WDR25: variants seen among roughly 807,000 people sequenced by gnomAD.
The protein encoded by WDR25 is WD repeat-containing protein 25.
A neutral mutation model predicts 47.7 loss-of-function variants in WDR25; 35 were observed. The observed-to-expected ratio is 0.73, with a 90% CI of 0.56 to 0.97. The LOEUF (loss-of-function observed/expected upper bound fraction) is 0.97, where lower values mean the gene tolerates loss of function less well. WDR25 is among the 50% of genes least tolerant of loss of function. The pLI is 0.00. For missense variants in WDR25, 634 were observed against 704.7 expected, an observed-to-expected ratio of 0.90 and a Z score of 1.14; for synonymous variants, 248 against 278.9, an observed-to-expected ratio of 0.89 and a Z score of 1.10.
At chr14:100,390,418 T>C (rs1271416650) in intron 2 of WDR25, among the ~76,000 whole-genome samples, 1 of 152,018 alleles carries the variant, frequency 6.6e-6, no homozygotes, top group Non-Finnish European at 1.5e-5. Context: ...TGTGTGTGTG[T>C]GTGTGTGTGC....
chr14:100,450,797 G>A (rs961437358), intron 2 of WDR25, among the ~76,000 whole-genome samples: 1 of 152,220 alleles, frequency 6.6e-6, no homozygotes, highest in Non-Finnish European at 1.5e-5. Flanking sequence ...AGTAGGAGCA[G>A]TCCAGAGCCC....
intron 2 of WDR25, among the ~76,000 whole-genome samples, chr14:100,450,546 T>C (rs756777317): frequency 9.2e-5 from 14 of 152,234 alleles, no homozygotes; most frequent in Non-Finnish European, 1.9e-4. Flanking sequence ...CATAAATATC[T>C]GTTGAACAAA....
chr14:100,513,011 C>G (rs1335056182), intron 4 of WDR25, among the ~76,000 whole-genome samples: 2 of 152,056 alleles, frequency 1.3e-5, no homozygotes, highest in Admixed American at 1.3e-4. Flanking sequence ...TATGGTCTAT[C>G]TTGGTAAATG....
rs2030422348 is a variant in WDR25, at chr14:100,530,169, T to C, written c.*128T>C. On this transcript the variant is annotated 3_prime_UTR_variant, in exon 7 of 7. Transcript: ENST00000402312. ...TGGGTACCACCTTCTGAGCCTCAGT[T>C]TCCTCATCTGTAAAGTGGGGAGAAA... is the stretch of plus-strand genomic sequence containing the variant. 4 of 927,168 alleles carry C rather than the reference T, an allele frequency of 4.3e-6. No individual in the cohort carries two copies. Among genetic ancestry groups the C allele is most frequent in the Non-Finnish European group, 6.4e-6 (4 of 626,506 alleles). 57.4% of individuals were successfully genotyped at this position (927,168 alleles called of 1,614,324 possible).
chr14:100,418,399 C>A (rs537261176), intron 2 of WDR25, among the ~76,000 whole-genome samples: 1 of 151,480 alleles, frequency 6.6e-6, no homozygotes, highest in African/African-American at 2.4e-5. Flanking sequence ...TTTGGGAGGC[C>A]GAGGTGGGCG....
chr14:100,521,108 A>C (rs1219629248), intron 4 of WDR25, among the ~76,000 whole-genome samples: 2 of 152,058 alleles, frequency 1.3e-5, no homozygotes, highest in Non-Finnish European at 2.9e-5. Flanking sequence ...ACCTGTTTTT[A>C]TATGGTCTTT....
intron 2 of WDR25, among the ~76,000 whole-genome samples, chr14:100,389,081 G>T (rs1352682609): frequency 1.3e-5 from 2 of 152,214 alleles, no homozygotes; most frequent in Non-Finnish European, 1.5e-5. Flanking sequence ...AAAGGTGCTT[G>T]TCTAATGCCC....
intron 2 of WDR25, among the ~76,000 whole-genome samples, chr14:100,461,450 TA>T (rs1234655905): frequency 3.3e-5 from 5 of 152,290 alleles, no homozygotes; most frequent in African/African-American, 1.2e-4. Context: ...TCTTTTCATT[TA>T]AAAAACCACA....
chr14:100,496,666 A>G (rs1000991066), intron 4 of WDR25, among the ~76,000 whole-genome samples: 16 of 152,074 alleles, frequency 1.1e-4, no homozygotes, highest in African/African-American at 3.6e-4. Flanking sequence ...GTTATAATAT[A>G]CTGGCTGTAT....
In WDR25 at chr14:100,498,601, C is replaced by T. The variant is rs1900812740; in HGVS notation, c.1101+14477C>T. ...TGCCCTGCTGCTGGCACCACCTCCA[C>T]CCAGTTGGTGGCCCAGCCAGAAACC... On this transcript the variant is annotated intron_variant, in intron 4 of 6. Coordinates refer to ENST00000402312, the MANE Select transcript of WDR25 (RefSeq NM_001161476.3). This position sits in a 1 kb window ranked among gnomAD's most constrained non-coding sequence, Gnocchi z 4.2. 1.3e-5 allele frequency among the ~76,000 whole-genome samples: 2 copies of T among 152,202 alleles called. No homozygotes were observed. The highest frequency in any genetic ancestry group is 2.4e-5 in the African/African-American group (1 of 41,450).
At chr14:100,433,508 G>C (rs1157961805) in intron 2 of WDR25, among the ~76,000 whole-genome samples, 1 of 152,194 alleles carries the variant, frequency 6.6e-6, no homozygotes, top group Non-Finnish European at 1.5e-5. Context: ...ATATAATATG[G>C]AGAGGCACTT....
intron 2 of WDR25, among the ~76,000 whole-genome samples, chr14:100,386,948 C>G (rs1225892690): frequency 1.3e-5 from 2 of 151,930 alleles, no homozygotes; most frequent in African/African-American, 4.8e-5. Flanking sequence ...AGCTAAAGCC[C>G]TTGTGTGTGG....
chr14:100,483,765 G>C (rs903594158), intron 3 of WDR25, among the ~76,000 whole-genome samples: 2 of 152,158 alleles, frequency 1.3e-5, no homozygotes, highest in South Asian at 2.1e-4. Flanking sequence ...CTCAGCCCAG[G>C]GGGAGGGGAT....
Position 100,381,611 on chromosome 14 carries a change from T to C in WDR25, c.687T>C (p.Tyr229=). ...EFIQPYLNSH[Y]KETTVPRKVL... is the part of the protein sequence containing the mutation. ...TTCAGCCATATTTGAATAGCCATTA[T>C]AAAGAAACCACAGTTCCCCGGAAAG... Residue 229 remains tyrosine (Y), a synonymous_variant, in exon 2 of 7, where the codon TAT becomes TAC. Transcript: ENST00000402312. 3 of 1,608,756 alleles carry C rather than the reference T, an allele frequency of 1.9e-6. No individual in the cohort carries two copies. Among genetic ancestry groups the C allele is most frequent in the African/African-American group, 2.7e-5 (2 of 74,904 alleles).
At chr14:100,397,067 C>T (rs1397213523) in intron 2 of WDR25, among the ~76,000 whole-genome samples, 1 of 152,214 alleles carries the variant, frequency 6.6e-6, no homozygotes, top group Non-Finnish European at 1.5e-5. Context: ...CCCCTCATGC[C>T]CTTGGCTCTG....
chr14:100,384,688 A>G (rs549396049), intron 2 of WDR25, among the ~76,000 whole-genome samples: 6 of 152,210 alleles, frequency 3.9e-5, no homozygotes, highest in African/African-American at 1.4e-4. Flanking sequence ...CAGTCCCTGG[A>G]GGAGAGGAAA....
chr14:100,410,816 G>A (rs1197777543), intron 2 of WDR25, among the ~76,000 whole-genome samples: 1 of 145,838 alleles, frequency 6.9e-6, no homozygotes, highest in Non-Finnish European at 1.5e-5. Flanking sequence ...AGAGTCTCAC[G>A]CTGTCGCCCA....
intron 2 of WDR25, among the ~76,000 whole-genome samples, chr14:100,431,824 C>T (rs1293075732): frequency 1.3e-5 from 2 of 152,064 alleles, no homozygotes; most frequent in African/African-American, 4.8e-5. Context: ...ATTCTCTTGC[C>T]TCAGCCTCCC....
At chr14:100,491,564 G>A (rs1188425510) in intron 4 of WDR25, among the ~76,000 whole-genome samples, 2 of 152,200 alleles carry the variant, frequency 1.3e-5, no homozygotes, top group Non-Finnish European at 2.9e-5. Context: ...GCTTAGATGT[G>A]TCGCAGGCTA....
Sources: gnomAD v4.1 joint callset for allele counts (sites outside exome capture counted in the v4.1 genomes callset) on GRCh38, gnomAD v4.1.1 for gene constraint, Gnocchi (gnomAD v3.1) non-coding constraint, MANE v1.5 for transcripts, NCBI Gene and HGNC (gene_info 2026-07-23, HGNC 2026-07-21) for gene names.